Variants in NPC1L1 observed in about 807,000 individuals in gnomAD.
NPC1L1 encodes the protein NPC1-like intracellular cholesterol transporter 1.
A neutral mutation model predicts 117.0 loss-of-function variants in NPC1L1; 98 were observed. The ratio of observed to expected loss-of-function variants is 0.84; its 90% confidence interval spans 0.71 to 0.99. NPC1L1 has a LOEUF of 0.99. Among genes scored for constraint, NPC1L1 ranks in the 50% least tolerant of loss-of-function variants. The probability of loss-of-function intolerance (pLI) is 0.00; values close to 1 mark genes in which losing one functional copy is unlikely to be tolerated. For missense variants in NPC1L1, 1,540 were observed against 1,710.0 expected, an observed-to-expected ratio of 0.90 and a Z score of 1.75; for synonymous variants, 729 against 727.6, an observed-to-expected ratio of 1.00 and a Z score of -0.03.
intron 10 of NPC1L1, among the ~76,000 whole-genome samples, chr7:44,527,326 C>A (rs968597917): frequency 2.0e-5 from 3 of 151,750 alleles, no homozygotes; most frequent in Admixed American, 1.3e-4. Flanking sequence ...GGCGTGGTGG[C>A]ACATGCCTGT....
chr7:44,523,021 G>C (rs575490424), intron 10 of NPC1L1, among the ~76,000 whole-genome samples: 4 of 152,248 alleles, frequency 2.6e-5, no homozygotes, highest in Non-Finnish European at 5.9e-5. Context: ...CCTCTCCCCA[G>C]CTAGACAACA....
chr7:44,519,739 G>A (rs1053417821), intron 14 of NPC1L1, among the ~76,000 whole-genome samples: 1 of 151,988 alleles, frequency 6.6e-6, no homozygotes, highest in Non-Finnish European at 1.5e-5. Flanking sequence ...GCCATCTGCT[G>A]TATAAGCTGA....
rs1198227320 is a variant in NPC1L1, at chr7:44,541,246, C to A, written c.14G>T (p.Gly5Val). ...GGCCCACAGCAGCCAGCCCCTCAGG[C>A]CGGCCTCCGCCATCCCAGGTCTGGG... MAEA[G>V]LRGWLLWALL... The change falls in exon 1 of 19, where the codon GGC (glycine) becomes GTC (valine). Residue 5 changes from glycine to valine, a missense_variant. Physicochemically the swap from Gly to Val is moderately radical, Grantham distance 109. Around this residue, in one of 3 missense-constraint regions of NPC1L1, gnomAD observed 793 missense variants for 820.4 expected, o/e 0.97. Coordinates refer to ENST00000381160, the MANE Select transcript of NPC1L1 (RefSeq NM_001101648.2). 1.3e-6 allele frequency: 2 copies of A among 1,549,926 alleles called. No individual in the cohort carries two copies. Among genetic ancestry groups the A allele is most frequent in the South Asian group, 1.2e-5 (1 of 84,012 alleles).
At chr7:44,515,678 T>C in intron 18 of NPC1L1, 125 bp downstream of exon 18, 1 of 1,151,046 alleles carries the variant, frequency 8.7e-7, no homozygotes, top group Admixed American at 1.7e-5. Context: ...ATGGTCATAG[T>C]CCTGGCTTCT....
Position 44,525,353 on chromosome 7 carries a change from G to A in NPC1L1, c.2638-3111C>T, listed in dbSNP as rs956226820. On this transcript the variant is annotated intron_variant, in intron 10 of 18. Coordinates refer to ENST00000381160, the MANE Select transcript of NPC1L1 (RefSeq NM_001101648.2). ...GCTCACTGCAACCTCTGCCTCCTGGGTTCAAGTGATTCTCCTGCCTCAGCC... is the reference window on the plus strand; with the variant it reads ...GCTCACTGCAACCTCTGCCTCCTGGATTCAAGTGATTCTCCTGCCTCAGCC... 2.0e-5 allele frequency among the ~76,000 whole-genome samples: 3 copies of A among 152,274 alleles called. No homozygotes were observed. The East Asian group carries it at 5.8e-4, about 29-fold the overall frequency.
chr7:44,531,823 A>G lies in NPC1L1; in HGVS notation c.2569T>C (p.Phe857Leu). 6.3e-7 allele frequency: 1 copy of G among 1,587,130 alleles called. No homozygotes were observed. The highest frequency in any genetic ancestry group is 8.6e-7 in the Non-Finnish European group (1 of 1,166,960). ...CACATGGAGTAGAGGCTCACTCCGA[A>G]CAGGGCGAGAAACAGCAGCAGCTGA... Reference protein sequence around the residue: ...GVVLLLFLALFGVSLYSMCHI... With the variant: ...GVVLLLFLALLGVSLYSMCHI... The change falls in exon 10 of 19, where the codon TTC becomes CTC. Residue 857 changes from phenylalanine (F) to leucine (L), a missense_variant. This residue lies in a region of NPC1L1 where 742 missense variants were observed against 873.6 expected (regional missense o/e 0.85). Transcript: ENST00000381160.
In NPC1L1 at chr7:44,540,197, G is replaced by C. The variant is rs755623028; in HGVS notation, c.200C>G (p.Thr67Arg). ...CTGTAATAGGATCAGGTGATCACCTGTGATCTTGCGGGCCGGCGTGTTGGA... is the reference window on the plus strand; with the variant it reads ...CTGTAATAGGATCAGGTGATCACCTCTGATCTTGCGGGCCGGCGTGTTGGA... ...CLSNTPARKI[T>R]GDHLILLQKI... Residue 67 changes from threonine (T) to arginine (R), a missense_variant, in exon 2 of 19, where the codon ACA becomes AGA. Transcript: ENST00000381160. 3 of 1,614,074 alleles carry C rather than the reference G, an allele frequency of 1.9e-6. No individual in the cohort carries two copies.
intron 10 of NPC1L1, among the ~76,000 whole-genome samples, chr7:44,523,190 G>A (rs2117037084): frequency 6.6e-6 from 1 of 152,296 alleles, no homozygotes; most frequent in Non-Finnish European, 1.5e-5. Context: ...TGAGTAGCTA[G>A]GATTACAGGC....
In NPC1L1 at chr7:44,520,824, C is replaced by A; in HGVS notation, c.3081-4G>T. The A allele has an allele frequency of 1.2e-6, 2 of 1,614,098 alleles. No homozygotes were observed. Among genetic ancestry groups the A allele is most frequent in the Non-Finnish European group, 1.7e-6 (2 of 1,179,974 alleles). ...GGTGCTGTATGCTGCCAGGCCGCTG[C>A]AAGAAGGTCAGGGCAAAGGCTTAGC... On this transcript the variant is annotated splice_region_variant and splice_polypyrimidine_tract_variant and intron_variant, in intron 13 of 18. Transcript: ENST00000381160.
chr7:44,536,512 A>C lies in NPC1L1; in HGVS notation c.1682-84T>G. On this transcript the variant is annotated intron_variant, in intron 3 of 18. Transcript: ENST00000381160. This position sits in a 1 kb window ranked among gnomAD's most constrained non-coding sequence, Gnocchi z 4.7. ...CTGCACCCCTATATTCCCTCCCCCT[A>C]TCTAGCTGCACCCCTCCCATCACCC... 2.9e-6 allele frequency: 4 copies of C among 1,380,736 alleles called. No individual in the cohort carries two copies. Among genetic ancestry groups the C allele is most frequent in the African/African-American group, 1.7e-5 (1 of 57,184 alleles). The allele number at this position is 1,380,736 out of a possible 1,614,324, so 85.5% of individuals were successfully genotyped here.
chr7:44,515,634 T>G (rs1388442096), intron 18 of NPC1L1, among the ~76,000 whole-genome samples, 169 bp downstream of exon 18: 2 of 152,196 alleles, frequency 1.3e-5, no homozygotes, highest in African/African-American at 4.8e-5. Context: ...GCACATTAAA[T>G]GAATAATAGT....
At position 44,521,699 on chromosome 7, in the gene NPC1L1, G is replaced by A. The variant is rs1442505834; in HGVS notation, c.2953+13C>T. The A allele has an allele frequency of 1.2e-6, 2 of 1,614,042 alleles. No individual in the cohort carries two copies. Among genetic ancestry groups the A allele is most frequent in the Non-Finnish European group, 1.7e-6 (2 of 1,179,948 alleles). ...CTGTGGTGGACAGTGAGTCCCCATG[G>A]CCCCACACTCACTGACGGTCGAGGG... is the stretch of plus-strand genomic sequence containing the variant. On this transcript the variant is annotated intron_variant, in intron 12 of 18. Coordinates refer to ENST00000381160, the MANE Select transcript of NPC1L1 (RefSeq NM_001101648.2).
Position 44,540,239 on chromosome 7 carries a change from G to A in NPC1L1, c.158C>T (p.Ser53Phe). 1 of 1,614,140 alleles carries A rather than the reference G, an allele frequency of 6.2e-7. No homozygotes were observed. Among genetic ancestry groups the A allele is most frequent in the Non-Finnish European group, 8.5e-7 (1 of 1,180,024 alleles). ...CGTGTTGGACAGGCAGGACACGTTG[G>A]AGAGTGTCATGAGGCTTCCAGACAG... ...PELSGSLMTL[S>F]NVSCLSNTPA... Residue 53 changes from serine (S) to phenylalanine (F), a missense_variant, in exon 2 of 19, where the codon TCC (serine) becomes TTC (phenylalanine). Ser to Phe is a radical substitution (Grantham distance 155, BLOSUM62 -2). Coordinates refer to ENST00000381160, the MANE Select transcript of NPC1L1 (RefSeq NM_001101648.2).
At chr7:44,529,871 TA>T (rs1801642975) in intron 10 of NPC1L1, among the ~76,000 whole-genome samples, 1 of 150,546 alleles carries the variant, frequency 6.6e-6, no homozygotes, top group South Asian at 2.1e-4. Context: ...CTGTCTCTAC[TA>T]AAAGTACAAA....
At position 44,531,793 on chromosome 7, in the gene NPC1L1, T is replaced by C. The variant is rs1302854091; in HGVS notation, c.2599A>G (p.Ile867Val). ...FGVSLYSMCH[I>V]SVGLDQELAL... ...AGCTCCTGGTCCAGTCCCACGCTGA[T>C]GTGGCACATGGAGTAGAGGCTCACT... Residue 867 changes from isoleucine to valine, a missense_variant, in exon 10 of 19, where the codon ATC (isoleucine) becomes GTC (valine). Physicochemically the swap from Ile to Val is conservative, Grantham distance 29. This residue lies in a region of NPC1L1 where 742 missense variants were observed against 873.6 expected (regional missense o/e 0.85). Transcript: ENST00000381160. 3.8e-6 allele frequency: 6 copies of C among 1,589,516 alleles called. No individual in the cohort carries two copies. The East Asian group carries it at 1.1e-4, about 30-fold the overall frequency.
intron 8 of NPC1L1, 78 bp downstream of exon 8, chr7:44,533,353 G>T (rs1801760048): frequency 3.2e-6 from 5 of 1,586,672 alleles, no homozygotes; most frequent in Non-Finnish European, 4.3e-6. Context: ...CATCTCTGTG[G>T]TGGTAAAGCC....
chr7:44,534,711 TA>T lies in NPC1L1; in HGVS notation c.1984-83del, dbSNP rs1310950218. 6.7e-7 allele frequency: 1 copy of T among 1,494,126 alleles called. No individual in the cohort carries two copies. The highest frequency in any genetic ancestry group is 9.2e-7 in the Non-Finnish European group (1 of 1,083,204). The allele number at this position is 1,494,126 out of a possible 1,614,324, so 92.6% of individuals were successfully genotyped here. A position where few individuals can be genotyped will look rare whatever the true frequency, so the allele number is the denominator to read the frequency against. On this transcript the variant is annotated intron_variant, in intron 5 of 18. Transcript: ENST00000381160. The surrounding 1 kb of genome is among the most constrained non-coding windows in gnomAD (Gnocchi z 5.2). Reference sequence around the variant, plus strand: ...CCAGCCTCAGCTAGGCCAGACAAAGTAGCCGGCAGGCACCCTCAGTGCCTGC... The same window carrying T: ...CCAGCCTCAGCTAGGCCAGACAAAGTGCCGGCAGGCACCCTCAGTGCCTGC...
chr7:44,539,845 A>G lies in NPC1L1; in HGVS notation c.552T>C (p.Ala184=). 1 of 1,614,152 alleles carries G rather than the reference A, an allele frequency of 6.2e-7. No homozygotes were observed. The highest frequency in any genetic ancestry group is 8.5e-7 in the Non-Finnish European group (1 of 1,180,038). The change falls in exon 2 of 19, where the codon GCT becomes GCC. Residue 184 remains alanine (A), a synonymous_variant. Transcript: ENST00000381160. This position sits in a 1 kb window ranked among gnomAD's most constrained non-coding sequence, Gnocchi z 4.4. ...CATACACGCCACACATGGTGCCCAC[A>G]GCCAGCGTGGCAGCTGCAGGGACGC... The part of the protein sequence containing the change: ...RVRVPAAATL[A]VGTMCGVYGS...
chr7:44,541,249 G>T lies in NPC1L1; in HGVS notation c.11C>A (p.Ala4Asp). MAE[A>D]GLRGWLLWAL... ...CCACAGCAGCCAGCCCCTCAGGCCGGCCTCCGCCATCCCAGGTCTGGGAAG... is the reference window on the plus strand; with the variant it reads ...CCACAGCAGCCAGCCCCTCAGGCCGTCCTCCGCCATCCCAGGTCTGGGAAG... The change falls in exon 1 of 19, where the codon GCC (alanine) becomes GAC (aspartate). Residue 4 changes from alanine to aspartate, a missense_variant. Around this residue, in one of 3 missense-constraint regions of NPC1L1, gnomAD observed 793 missense variants for 820.4 expected, o/e 0.97. Transcript: ENST00000381160. 1 of 1,549,906 alleles carries T rather than the reference G, an allele frequency of 6.5e-7. No individual in the cohort carries two copies. The highest frequency in any genetic ancestry group is 8.7e-7 in the Non-Finnish European group (1 of 1,146,778).
Sources: gnomAD v4.1 joint callset for allele counts (sites outside exome capture counted in the v4.1 genomes callset) on GRCh38, gnomAD v4.1.1 for gene constraint, gnomAD v4.1.1 regional missense constraint, Gnocchi (gnomAD v3.1) non-coding constraint, MANE v1.5 for transcripts, NCBI Gene and HGNC (gene_info 2026-07-23, HGNC 2026-07-21) for gene names.